The following GINS1 variants were observed in gnomAD, a reference collection of about 807,000 sequenced individuals.
GINS1 encodes GINS complex subunit 1.
Under a neutral mutation model 34.9 loss-of-function variants are expected in GINS1, and 26 were observed. That is an observed-to-expected ratio of 0.74 (90% CI 0.55 to 1.03). The LOEUF (loss-of-function observed/expected upper bound fraction) is 1.03. Among genes scored for constraint, GINS1 ranks in the 50% least tolerant of loss-of-function variants. The probability of loss-of-function intolerance (pLI) is 0.00; values close to 1 mark genes in which losing one functional copy is unlikely to be tolerated. For synonymous variants in GINS1, 97 were observed against 84.4 expected, an observed-to-expected ratio of 1.15 and a Z score of -0.82; for missense variants, 235 against 237.9, an observed-to-expected ratio of 0.99 and a Z score of 0.08.
chr20:25,420,944 C>T (rs2090351776), intron 4 of GINS1: 1 of 984,026 alleles, frequency 1.0e-6, no homozygotes, highest in Admixed American at 6.2e-5. Flanking sequence ...TGCATCGTGG[C>T]AACTGCATCA....
At chr20:25,423,101 A>G (rs1364833472) in intron 4 of GINS1, among the ~76,000 whole-genome samples, 2 of 150,782 alleles carry the variant, frequency 1.3e-5, no homozygotes, top group Middle Eastern at 3.2e-3. Flanking sequence ...TTAATGCTGA[A>G]TAGTATTTCT....
intron 5 of GINS1, among the ~76,000 whole-genome samples, chr20:25,428,397 C>CTTTTTTTTTTT (rs544831869): frequency 3.0e-5 from 2 of 66,582 alleles, no homozygotes; most frequent in Non-Finnish European, 2.7e-5. Context: ...AGCATAATTT[C>CTTTTTTTTTTT]TTTTTTTTTT....
chr20:25,424,937 C>G (rs1306827897), intron 4 of GINS1, among the ~76,000 whole-genome samples: 2 of 152,140 alleles, frequency 1.3e-5, no homozygotes, highest in Non-Finnish European at 2.9e-5. Flanking sequence ...TTTCATGGTT[C>G]TGTTTCTGGT....
chr20:25,443,613 G>A (rs971843093), intron 6 of GINS1, among the ~76,000 whole-genome samples: 1 of 151,558 alleles, frequency 6.6e-6, no homozygotes, highest in African/African-American at 2.4e-5. Flanking sequence ...CAAATAGCTG[G>A]GATTACAGGC....
intron 5 of GINS1, among the ~76,000 whole-genome samples, chr20:25,430,657 A>G (rs1334104460): frequency 6.6e-6 from 1 of 152,162 alleles, no homozygotes; most frequent in Non-Finnish European, 1.5e-5. Flanking sequence ...CAGCCTCCCA[A>G]GTAGCTGCGA....
In GINS1 at chr20:25,427,228, G is replaced by A. The variant is rs148701018; in HGVS notation, c.447+1901G>A. Among the ~76,000 whole-genome samples the A allele has an allele frequency of 7.0e-3, 1,071 of 152,158 alleles. 5 individuals are homozygous for A. Among genetic ancestry groups the A allele is most frequent in the Non-Finnish European group, 0.012 (789 of 67,998 alleles). ...TCACCCAGGCTGGATGCAGTGGCGC[G>A]ATCTCGGCTCAACCTGCAACCTCCA... On this transcript the variant is annotated intron_variant, in intron 5 of 6. Transcript: ENST00000262460.
At chr20:25,418,048 T>C in intron 3 of GINS1, 57 bp from the exon 4 acceptor site, 1 of 922,446 alleles carries the variant, frequency 1.1e-6, no homozygotes, top group Non-Finnish European at 1.8e-6. Flanking sequence ...CCAAATGAAG[T>C]CCACACGTGA....
In GINS1 at chr20:25,423,452, C is replaced by CTTTTCTTTT. The variant is rs1568802527; in HGVS notation, c.331-1755_331-1754insCTTTTTTTT. ...AAGGTTATTAAGATATTTTTCTTTT[C>CTTTTCTTTT]TTTTTTTTTTTTTTTTTTTTTTTTT... On this transcript the variant is annotated intron_variant, in intron 4 of 6. Coordinates refer to ENST00000262460, the MANE Select transcript of GINS1 (RefSeq NM_021067.5). Among the ~76,000 whole-genome samples the CTTTTCTTTT allele has an allele frequency of 1.4e-3, 43 of 30,006 alleles. 10 individuals are homozygous for CTTTTCTTTT. The East Asian group carries it at 0.028, about 19-fold the overall frequency. The allele number at this position is 30,006 out of a possible 152,430, so 19.7% of individuals were successfully genotyped here.
At chr20:25,429,276 A>G (rs2090414004) in intron 5 of GINS1, among the ~76,000 whole-genome samples, 1 of 152,136 alleles carries the variant, frequency 6.6e-6, no homozygotes, top group South Asian at 2.1e-4. Context: ...GGCATGAGCC[A>G]CCACGCCCGG....
chr20:25,408,007 G>T (rs2090258122), intron 1 of GINS1, 112 bp downstream of exon 1: 3 of 738,990 alleles, frequency 4.1e-6, no homozygotes, highest in Non-Finnish European at 7.1e-6. Context: ...CCGAGCTCCG[G>T]AAAACTTGGG....
intron 5 of GINS1, among the ~76,000 whole-genome samples, chr20:25,434,357 A>G (rs909701264): frequency 6.6e-6 from 1 of 152,132 alleles, no homozygotes; most frequent in Non-Finnish European, 1.5e-5. Flanking sequence ...AGGTTTTAGA[A>G]TTTTCCATGT....
chr20:25,441,904 T>C, intron 6 of GINS1, 128 bp downstream of exon 6: 1 of 573,184 alleles, frequency 1.7e-6, no homozygotes, highest in Non-Finnish European at 3.1e-6. Context: ...TTTAGTATAA[T>C]ATACCCTGTT....
At chr20:25,439,082 A>G (rs988518739) in intron 5 of GINS1, among the ~76,000 whole-genome samples, 1 of 152,206 alleles carries the variant, frequency 6.6e-6, no homozygotes, top group African/African-American at 2.4e-5. Flanking sequence ...CAGGAATATA[A>G]GAATTAGATT....
chr20:25,425,318 A>G lies in GINS1; in HGVS notation c.438A>G (p.Leu146=). 1 of 1,365,036 alleles carries G rather than the reference A, an allele frequency of 7.3e-7. No individual in the cohort carries two copies. The highest frequency in any genetic ancestry group is 1.0e-6 in the Non-Finnish European group (1 of 956,384). The allele number at this position is 1,365,036 out of a possible 1,614,324, so 84.6% of individuals were successfully genotyped here. A position where few individuals can be genotyped will look rare whatever the true frequency, so the allele number is the denominator to read the frequency against. Residue 146 remains leucine (L), a synonymous_variant, in exon 5 of 7, where the codon CTA becomes CTG. Transcript: ENST00000262460. ...AGGATATGAAACCACCAAAAAGCCT[A>G]TATATTGAAGTATGTATATCTTTTT... ...ITQDMKPPKS[L]YIEVRCLKDY...
In GINS1 at chr20:25,441,709, G is replaced by A. The variant is rs376610445; in HGVS notation, c.455G>A (p.Cys152Tyr). 4 of 1,539,584 alleles carry A rather than the reference G, an allele frequency of 2.6e-6. No homozygotes were observed. Among genetic ancestry groups the A allele is most frequent in the African/African-American group, 1.4e-5 (1 of 72,422 alleles). ...TCTCATTTTTTCTTTCAGGTCCGGT[G>A]TCTAAAAGACTATGGAGAATTTGAA... ...PPKSLYIEVRCLKDYGEFEVD... is the reference protein window; with the variant it reads ...PPKSLYIEVRYLKDYGEFEVD... Residue 152 changes from cysteine to tyrosine, a missense_variant, in exon 6 of 7, where the codon TGT becomes TAT. Transcript: ENST00000262460.
Position 25,438,119 on chromosome 20 carries a change from C to CA in GINS1, c.448-3565dup, listed in dbSNP as rs34107871. On this transcript the variant is annotated intron_variant, in intron 5 of 6. Transcript: ENST00000262460. ...GGGCAACAAGAGCAAAACTCCGTCT[C>CA]AAAAAAAAAAAAAAAAAAGTATTGA... Among the ~76,000 whole-genome samples the CA allele has an allele frequency of 6.0e-3, 592 of 98,224 alleles. 14 individuals are homozygous for CA. The highest frequency in any genetic ancestry group is 0.011 in the Middle Eastern group (2 of 176). 64.4% of individuals were successfully genotyped at this position (98,224 alleles called of 152,430 possible). A position where few individuals can be genotyped will look rare whatever the true frequency, so the allele number is the denominator to read the frequency against.
At position 25,418,131 on chromosome 20, in the gene GINS1, C is replaced by T; in HGVS notation, c.266C>T (p.Ala89Val). ...TATGACCGCTTGCTTCGGATCAGAG[C>T]ACTCAGATGGGAATATGGTAGCGTC... ...YLYDRLLRIR[A>V]LRWEYGSVLP... The change falls in exon 4 of 7, where the codon GCA (alanine) becomes GTA (valine). Residue 89 changes from alanine (A) to valine (V), a missense_variant. Physicochemically the swap from Ala to Val is moderately conservative, Grantham distance 64. Transcript: ENST00000262460. 4 of 1,602,008 alleles carry T rather than the reference C, an allele frequency of 2.5e-6. No individual in the cohort carries two copies. Among genetic ancestry groups the T allele is most frequent in the Non-Finnish European group, 3.4e-6 (4 of 1,168,780 alleles).
intron 1 of GINS1, among the ~76,000 whole-genome samples, chr20:25,409,904 A>G (rs1231594214): frequency 1.3e-5 from 2 of 152,372 alleles, no homozygotes; most frequent in African/African-American, 2.4e-5. Flanking sequence ...ACACAGGCCT[A>G]GAGAACAGAG....
At chr20:25,439,902 G>C (rs1414361413) in intron 5 of GINS1, among the ~76,000 whole-genome samples, 1 of 151,424 alleles carries the variant, frequency 6.6e-6, no homozygotes, top group East Asian at 2.0e-4. Context: ...GGCTGAGGCA[G>C]GAGAATTGCT....
Sources: gnomAD v4.1 joint callset for allele counts (sites outside exome capture counted in the v4.1 genomes callset) on GRCh38, gnomAD v4.1.1 for gene constraint, MANE v1.5 for transcripts, NCBI Gene and HGNC (gene_info 2026-07-23, HGNC 2026-07-21) for gene names.